The following DEPDC4 variants were observed in gnomAD, a reference collection of about 807,000 sequenced individuals.
DEPDC4 encodes DEP domain containing 4, also known as DEP domain-containing protein 4.
A neutral mutation model predicts 52.0 loss-of-function variants in DEPDC4; 52 were observed. The observed-to-expected ratio is 1.00, with a 90% CI of 0.80 to 1.26. The LOEUF (loss-of-function observed/expected upper bound fraction) is 1.26, where lower values mean the gene tolerates loss of function less well. Among genes scored for constraint, DEPDC4 ranks in the 50% most tolerant of loss-of-function variants. The pLI, the probability that DEPDC4 is intolerant of heterozygous loss-of-function variation, is 0.00. For missense variants in DEPDC4, 530 were observed against 546.9 expected (o/e 0.97, Z 0.31); for synonymous variants, 201 against 196.8 (o/e 1.02, Z -0.18).
At chr12:100,276,040 A>T in the DEPDC4 span, among the ~76,000 whole-genome samples, 61 of 152,136 alleles carry the variant, frequency 4.0e-4, 1 homozygote, top group Non-Finnish European at 7.4e-4. Flanking sequence ...GTGGGGTTGG[A>T]TGTGATGTTC....
chr12:100,281,019 G>GTTTTTTTTTTTTTT, the DEPDC4 span, among the ~76,000 whole-genome samples: 15 of 50,492 alleles, frequency 3.0e-4, 1 homozygote, highest in East Asian at 3.1e-3. Flanking sequence ...TACCATCAGT[G>GTTTTTTTTTTTTTT]TTTTTTTTTT....
chr12:100,263,968 C>A, intron 1 of DEPDC4, 75 bp from the exon 2 acceptor site: 1 of 1,384,500 alleles, frequency 7.2e-7, no homozygotes, highest in East Asian at 2.4e-5. Context: ...GTTTTGACAA[C>A]CTTATGCTTG....
At chr12:100,254,689 C>T (rs2096224789) in intron 4 of DEPDC4, among the ~76,000 whole-genome samples, 1 of 151,628 alleles carries the variant, frequency 6.6e-6, no homozygotes, top group South Asian at 2.1e-4. Flanking sequence ...CTCTCCTTTC[C>T]TTCCTTTCTT....
chr12:100,275,827 A>G, the DEPDC4 span, among the ~76,000 whole-genome samples: 2 of 152,168 alleles, frequency 1.3e-5, no homozygotes, highest in African/African-American at 4.8e-5. Flanking sequence ...CAAAGATGCT[A>G]TTTATCAGGT....
rs1566332454 is a variant in DEPDC4 at position 100,266,772 on chromosome 12, CAGTCCAGTGCCTGGTAGGGCAGGA to C, written c.157+124_157+147del. ...TAAAAAGCCTCAGTCCTGGGTCCCC[CAGTCCAGTGCCTGGTAGGGCAGGA>C]AGGGGGCGGGGCTAGGAAATGGGCG... On this transcript the variant is annotated intron_variant, in intron 1 of 9. Coordinates refer to ENST00000550587, the MANE Select transcript of DEPDC4 (RefSeq NM_001364818.2). The C allele has an allele frequency of 3.6e-6, 4 of 1,109,372 alleles. No homozygotes were observed. The East Asian group carries it at 9.8e-5, about 27-fold the overall frequency. The allele number at this position is 1,109,372 out of a possible 1,614,324, so 68.7% of individuals were successfully genotyped here. A position where few individuals can be genotyped will look rare whatever the true frequency, so the allele number is the denominator to read the frequency against.
At chr12:100,234,124 A>AC in intron 9 of DEPDC4, among the ~76,000 whole-genome samples, 1 of 151,474 alleles carries the variant, frequency 6.6e-6, no homozygotes, top group Admixed American at 6.6e-5. Flanking sequence ...AAACAAACAA[A>AC]AAACCAAACT....
At chr12:100,237,460 G>A (rs1205118734), downstream of DEPDC4, among the ~76,000 whole-genome samples, 5 of 152,034 alleles carry the variant, frequency 3.3e-5, no homozygotes, top group Admixed American at 3.3e-4. Flanking sequence ...CACCCACCTT[G>A]GCCTCCCAAA....
At chr12:100,261,310 T>G (rs2096252942) in intron 3 of DEPDC4, among the ~76,000 whole-genome samples, 1 of 152,226 alleles carries the variant, frequency 6.6e-6, no homozygotes, top group Non-Finnish European at 1.5e-5. Context: ...TCCTCCAGTG[T>G]GCAAGTCATA....
chr12:100,254,324 T>C (rs1240041030), intron 4 of DEPDC4, among the ~76,000 whole-genome samples: 5 of 143,112 alleles, frequency 3.5e-5, no homozygotes, highest in Non-Finnish European at 7.6e-5. Flanking sequence ...TTTGACTTTT[T>C]TTTTTTTTTT....
At chr12:100,260,203 C>A (rs539025416) in intron 3 of DEPDC4, among the ~76,000 whole-genome samples, 2 of 152,114 alleles carry the variant, frequency 1.3e-5, no homozygotes, top group South Asian at 2.1e-4. Context: ...TTACTGCAAC[C>A]TTTGCCTCCC....
At chr12:100,243,960 C>G (rs2096171469) in intron 8 of DEPDC4, among the ~76,000 whole-genome samples, 1 of 151,354 alleles carries the variant, frequency 6.6e-6, no homozygotes, top group Admixed American at 6.6e-5. Context: ...TTCTCATTGC[C>G]TTCCTAACAT....
At position 100,263,535 on chromosome 12, in the gene DEPDC4, T is replaced by G. The variant is rs1566328052; in HGVS notation, c.516A>C (p.Arg172Ser). The G allele has an allele frequency of 6.2e-7, 1 of 1,603,516 alleles. No homozygotes were observed. Among genetic ancestry groups the G allele is most frequent in the East Asian group, 2.2e-5 (1 of 44,802 alleles). The stretch of plus-strand genomic sequence containing the variant: ...TGAACTCATTCTCAGCATCCTTTTG[T>G]CTTTTGCAACAATCGTAAGATGATT... Reference protein sequence around the residue: ...GNKSSYDCCKRQKDAENEFNE... With the variant: ...GNKSSYDCCKSQKDAENEFNE... The change falls in exon 2 of 10, where the codon AGA (arginine) becomes AGC (serine). Residue 172 changes from arginine (R) to serine (S), a missense_variant. By Grantham distance (110) the Arg-to-Ser change is moderately radical. Coordinates refer to ENST00000550587, the MANE Select transcript of DEPDC4 (RefSeq NM_001364818.2).
At chr12:100,257,224 T>A (rs1235497133) in intron 3 of DEPDC4, among the ~76,000 whole-genome samples, 1 of 151,764 alleles carries the variant, frequency 6.6e-6, no homozygotes. Context: ...ACTACAGGCA[T>A]GCACCACCCT....
chr12:100,270,960 C>T (rs1046105056), upstream of DEPDC4, among the ~76,000 whole-genome samples: 3 of 151,494 alleles, frequency 2.0e-5, no homozygotes, highest in Non-Finnish European at 2.9e-5. Context: ...TTTTTATGTT[C>T]GTTTTTAAAA....
downstream of DEPDC4, among the ~76,000 whole-genome samples, chr12:100,237,378 T>C (rs2096142954): frequency 2.0e-5 from 3 of 152,098 alleles, no homozygotes; most frequent in South Asian, 6.2e-4. Flanking sequence ...CAGCTAATTT[T>C]TGTATTTTTA....
intron 9 of DEPDC4, among the ~76,000 whole-genome samples, chr12:100,234,169 A>C (rs1182346171): frequency 6.6e-6 from 1 of 152,208 alleles, no homozygotes; most frequent in Non-Finnish European, 1.5e-5. Context: ...CAACAAAAAA[A>C]ATTGTTCAAT....
upstream of DEPDC4, among the ~76,000 whole-genome samples, chr12:100,270,043 G>A (rs1424187184): frequency 6.7e-6 from 1 of 150,062 alleles, no homozygotes; most frequent in Non-Finnish European, 1.5e-5. Flanking sequence ...CTGGAGTGCC[G>A]TGGCGCGATC....
chr12:100,252,678 G>A, intron 5 of DEPDC4, 142 bp from the exon 6 acceptor site: 1 of 724,114 alleles, frequency 1.4e-6, no homozygotes, highest in Non-Finnish European at 2.1e-6. Flanking sequence ...TTTTATTATG[G>A]AATATTTCAA....
intron 8 of DEPDC4, among the ~76,000 whole-genome samples, chr12:100,243,113 C>A (rs568483925): frequency 2.0e-5 from 3 of 152,114 alleles, no homozygotes; most frequent in African/African-American, 7.2e-5. Context: ...TAAAATAGAG[C>A]AATTATAACA....
Sources: allele counts gnomAD v4.1 joint callset (sites outside exome capture counted in the v4.1 genomes callset), GRCh38; gene constraint gnomAD v4.1.1; transcripts MANE v1.5; gene names NCBI Gene and HGNC (gene_info 2026-07-23, HGNC 2026-07-21).